PPP2R2C: variants seen among roughly 807,000 people sequenced by gnomAD.
PPP2R2C encodes protein phosphatase 2 regulatory subunit Bgamma, also known as protein phosphatase 2, regulatory subunit B, gamma.
PPP2R2C carries 10 observed loss-of-function variants against 45.3 expected under a neutral mutation model. The ratio of observed to expected loss-of-function variants is 0.22; its 90% CI spans 0.14 to 0.37. The LOEUF is 0.37. PPP2R2C is among the 10% of genes least tolerant of loss of function. The pLI is 1.00. For missense variants in PPP2R2C, 308 were observed against 619.7 expected (o/e 0.50, Z 5.34); for synonymous variants, 257 against 245.4 (o/e 1.05, Z -0.44).
At chr4:6,532,295 C>T (rs1724430953) in intron 2 of PPP2R2C, among the ~76,000 whole-genome samples, 1 of 152,210 alleles carries the variant, frequency 6.6e-6, no homozygotes, top group Non-Finnish European at 1.5e-5. Flanking sequence ...GGGCTTTGTC[C>T]AGGGTTGCCC....
intron 1 of PPP2R2C, among the ~76,000 whole-genome samples, chr4:6,556,807 G>T (rs949285770): frequency 2.0e-5 from 3 of 152,042 alleles, no homozygotes; most frequent in African/African-American, 7.2e-5. Context: ...AGCATCTCTC[G>T]GGGTGCCCCT....
chr4:6,511,712 TGATGGTGGTGATGGTGGTGGA>T (rs1723536239), intron 2 of PPP2R2C, among the ~76,000 whole-genome samples: 1 of 55,346 alleles, frequency 1.8e-5, no homozygotes, highest in Non-Finnish European at 4.7e-5. Flanking sequence ...GTGGTGGAGG[TGATGGTGGTGATGGTGGTGGA>T]GGTGATGGTG....
intron 1 of PPP2R2C, among the ~76,000 whole-genome samples, chr4:6,461,711 T>C (rs1373691989): frequency 6.6e-6 from 1 of 152,210 alleles, no homozygotes; most frequent in African/African-American, 2.4e-5. Flanking sequence ...TCTTTGTAAC[T>C]GGTATTAATC....
At chr4:6,525,262 G>A (rs868081559) in intron 2 of PPP2R2C, among the ~76,000 whole-genome samples, 26 of 151,832 alleles carry the variant, frequency 1.7e-4, no homozygotes, top group Admixed American at 8.5e-4. Context: ...AAAATTAGCC[G>A]GGCATGGTGG....
intron 3 of PPP2R2C, among the ~76,000 whole-genome samples, chr4:6,376,731 G>C (rs1406821960): frequency 2.6e-5 from 4 of 152,306 alleles, no homozygotes; most frequent in Non-Finnish European, 1.5e-5. Context: ...TGAGATTACA[G>C]GCATGAGCCA....
rs576422685 is a variant in PPP2R2C at position 6,468,193 on chromosome 4, T to C, written c.70+3967A>G. The stretch of plus-strand genomic sequence containing the variant: ...CACAAGCAGCATCCCCTCTTCAGTG[T>C]GGTTTCCTGGGCAGAAAGTAGATGG... On this transcript the variant is annotated intron_variant, in intron 1 of 8. Transcript: ENST00000382599. 3.9e-5 allele frequency among the ~76,000 whole-genome samples: 6 copies of C among 152,302 alleles called. No individual in the cohort carries two copies. The East Asian group carries it at 1.2e-3, about 29-fold the overall frequency.
chr4:6,505,981 A>G (rs1723216061), intron 2 of PPP2R2C, among the ~76,000 whole-genome samples: 1 of 152,056 alleles, frequency 6.6e-6, no homozygotes, highest in Admixed American at 6.5e-5. Context: ...CATTTTTTTT[A>G]ATTAAAAAAA....
chr4:6,413,965 T>A, intron 1 of PPP2R2C: 1 of 1,536,062 alleles, frequency 6.5e-7, no homozygotes, highest in Non-Finnish European at 8.7e-7. Flanking sequence ...TGCTCCCTGG[T>A]GGCTCTGCAG....
At chr4:6,389,292 C>T (rs1459526548) in intron 1 of PPP2R2C, among the ~76,000 whole-genome samples, 1 of 152,204 alleles carries the variant, frequency 6.6e-6, no homozygotes, top group Non-Finnish European at 1.5e-5. Context: ...GGACTTCCTC[C>T]CCAGCACGTC....
intron 2 of PPP2R2C, among the ~76,000 whole-genome samples, chr4:6,517,743 C>T (rs963203775): frequency 3.9e-5 from 6 of 152,164 alleles, no homozygotes; most frequent in Admixed American, 2.6e-4. Context: ...GCCTGGAGGC[C>T]CACCTTGGAG....
intron 2 of PPP2R2C, among the ~76,000 whole-genome samples, chr4:6,526,352 G>A (rs1328174379): frequency 3.3e-5 from 5 of 152,248 alleles, no homozygotes; most frequent in South Asian, 2.1e-4. Context: ...CCAGCCTGCA[G>A]GCTGCAGCCC....
chr4:6,559,395 GCACACACACA>G (rs58400617), intron 1 of PPP2R2C, among the ~76,000 whole-genome samples: 247 of 144,850 alleles, frequency 1.7e-3, no homozygotes, highest in East Asian at 3.4e-3. Context: ...AAAATACACA[GCACACACACA>G]CACACACACA....
At chr4:6,528,031 A>C (rs1008356855) in intron 2 of PPP2R2C, among the ~76,000 whole-genome samples, 2 of 152,242 alleles carry the variant, frequency 1.3e-5, no homozygotes, top group African/African-American at 4.8e-5. Context: ...GACGATGAAG[A>C]ATCTCAGGAC....
intron 5 of PPP2R2C, chr4:6,348,967 G>T: frequency 1.0e-6 from 1 of 967,276 alleles, no homozygotes; most frequent in Non-Finnish European, 1.2e-6. Flanking sequence ...ACTCGTCCGG[G>T]GTGGCCCAGG....
intron 5 of PPP2R2C, chr4:6,350,112 G>A (rs1371781934): frequency 1.0e-6 from 1 of 985,420 alleles, no homozygotes; most frequent in East Asian, 1.1e-4. Flanking sequence ...CTGCCTGGCT[G>A]GTTTCCCAGG....
At chr4:6,348,596 C>A (rs73076917) in intron 5 of PPP2R2C, 1 of 957,520 alleles carries the variant, frequency 1.0e-6, no homozygotes, top group Non-Finnish European at 1.2e-6. Context: ...GTTTCTGGGT[C>A]GGCCCCACCT....
intron 1 of PPP2R2C, chr4:6,382,150 A>C: frequency 8.2e-7 from 1 of 1,212,824 alleles, no homozygotes; most frequent in Non-Finnish European, 1.0e-6. Flanking sequence ...TTCCTATAAA[A>C]ATCCACATTT....
chr4:6,495,293 C>T (rs558903141), intron 2 of PPP2R2C, among the ~76,000 whole-genome samples: 2 of 152,340 alleles, frequency 1.3e-5, no homozygotes, highest in South Asian at 2.1e-4. Context: ...ATATGGCTAT[C>T]GAGGAGGCTG....
intron 1 of PPP2R2C, among the ~76,000 whole-genome samples, chr4:6,549,582 G>A (rs557712526): frequency 1.1e-4 from 16 of 152,270 alleles, no homozygotes; most frequent in South Asian, 1.0e-3. Context: ...TGATAACACC[G>A]GCTCCTTCCT....
Sources: allele counts gnomAD v4.1 joint callset (sites outside exome capture counted in the v4.1 genomes callset), GRCh38; gene constraint gnomAD v4.1.1; transcripts MANE v1.5; gene names NCBI Gene and HGNC (gene_info 2026-07-23, HGNC 2026-07-21).